Variants in RNLS observed in about 807,000 individuals in gnomAD.
RNLS encodes the protein renalase.
A neutral mutation model predicts 39.8 loss-of-function variants in RNLS; 39 were observed. That is an observed-to-expected ratio of 0.98 (90% CI 0.76 to 1.28). The LOEUF (loss-of-function observed/expected upper bound fraction) is 1.28. Among genes scored for constraint, RNLS ranks in the 50% most tolerant of loss-of-function variants. The probability of loss-of-function intolerance (pLI) is 0.00; values close to 1 mark genes in which losing one functional copy is unlikely to be tolerated. For missense variants in RNLS, 410 were observed against 413.3 expected, an observed-to-expected ratio of 0.99 and a Z score of 0.07; for synonymous variants, 147 against 150.7, an observed-to-expected ratio of 0.98 and a Z score of 0.18.
chr10:88,532,682 T>C (rs1589968155), intron 4 of RNLS, among the ~76,000 whole-genome samples: 1 of 152,022 alleles, frequency 6.6e-6, no homozygotes. Flanking sequence ...ATCCTAAGGA[T>C]AAAGTGTTAG....
intron 4 of RNLS, among the ~76,000 whole-genome samples, chr10:88,411,523 T>G (rs75886450): frequency 7.0e-6 from 1 of 143,290 alleles, no homozygotes; most frequent in African/African-American, 2.6e-5. Context: ...CCATCTTCTG[T>G]TTTTTTTTTT....
At chr10:88,467,598 T>A (rs186858017) in intron 4 of RNLS, among the ~76,000 whole-genome samples, 52 of 152,140 alleles carry the variant, frequency 3.4e-4, no homozygotes, top group African/African-American at 1.1e-3. Flanking sequence ...ACTGAGACAA[T>A]TTACCAACCT....
Position 88,323,332 on chromosome 10 carries a change from A to T in RNLS, c.701-8691T>A, listed in dbSNP as rs539253786. Reference sequence around the variant, plus strand: ...AAGCAAAGAGAACAAGGCTGGAGGCATCACATTACCCAAACTCAAAGTATA... The same window carrying T: ...AAGCAAAGAGAACAAGGCTGGAGGCTTCACATTACCCAAACTCAAAGTATA... On this transcript the variant is annotated intron_variant, in intron 5 of 6. Coordinates refer to ENST00000331772, the MANE Select transcript of RNLS (RefSeq NM_001031709.3). 1.1e-4 allele frequency among the ~76,000 whole-genome samples: 17 copies of T among 152,342 alleles called. No individual in the cohort carries two copies. The South Asian group carries it at 3.3e-3, about 30-fold the overall frequency.
At chr10:88,454,139 A>C (rs1842494927) in intron 4 of RNLS, among the ~76,000 whole-genome samples, 1 of 152,234 alleles carries the variant, frequency 6.6e-6, no homozygotes, top group African/African-American at 2.4e-5. Context: ...GAGAAGAAAG[A>C]GTCCATGAAA....
At chr10:88,178,783 G>A in the RNLS span, among the ~76,000 whole-genome samples, 1 of 152,170 alleles carries the variant, frequency 6.6e-6, no homozygotes, top group African/African-American at 2.4e-5. Context: ...GCCTCACTTT[G>A]TCAATTTAGA....
the RNLS span, among the ~76,000 whole-genome samples, chr10:88,192,052 C>T: frequency 9.2e-5 from 14 of 151,816 alleles, no homozygotes; most frequent in Non-Finnish European, 1.8e-4. Context: ...CATGGGGTAC[C>T]TAGGAGTAGC....
Position 88,445,411 on chromosome 10 carries a change from C to T in RNLS, c.527-82686G>A, listed in dbSNP as rs569954636. 9.5e-4 allele frequency among the ~76,000 whole-genome samples: 145 copies of T among 152,032 alleles called. 1 individual carries two copies. Among genetic ancestry groups the T allele is most frequent in the South Asian group, 7.1e-3 (34 of 4,810 alleles). On this transcript the variant is annotated intron_variant, in intron 4 of 6. Coordinates refer to ENST00000331772, the MANE Select transcript of RNLS (RefSeq NM_001031709.3). ...AATGCTAGGAAGAAACTGCAAGTAACGAGCAAAATAACCAGCTCACATCAT... is the reference window on the plus strand; with the variant it reads ...AATGCTAGGAAGAAACTGCAAGTAATGAGCAAAATAACCAGCTCACATCAT...
intron 4 of RNLS, among the ~76,000 whole-genome samples, chr10:88,494,607 A>G (rs575108817): frequency 1.3e-5 from 2 of 152,262 alleles, no homozygotes; most frequent in African/African-American, 2.4e-5. Context: ...TGAATGGTAC[A>G]TATTCAAAAA....
intron 3 of RNLS, 137 bp from the exon 4 acceptor site, chr10:88,573,198 C>G (rs1478507507): frequency 2.1e-5 from 15 of 721,062 alleles, no homozygotes; most frequent in Non-Finnish European, 3.2e-5. Context: ...CAGCTCTCTT[C>G]CTTTACTTTC....
chr10:88,382,033 G>A (rs1448329480), intron 4 of RNLS, among the ~76,000 whole-genome samples: 2 of 152,028 alleles, frequency 1.3e-5, no homozygotes, highest in South Asian at 2.1e-4. Flanking sequence ...CCACTACGAT[G>A]GCAGAGTAGA....
At chr10:88,572,059 C>G (rs11202776) in intron 4 of RNLS, among the ~76,000 whole-genome samples, 236 of 152,124 alleles carry the variant, frequency 1.6e-3, no homozygotes, top group Non-Finnish European at 2.6e-3. Flanking sequence ...TCAGGAATCA[C>G]GAAGAAAATC....
chr10:88,497,268 G>T (rs1339967315), intron 4 of RNLS, among the ~76,000 whole-genome samples: 1 of 152,038 alleles, frequency 6.6e-6, no homozygotes, highest in African/African-American at 2.4e-5. Context: ...GACAGAAACA[G>T]TGCAGAATTT....
intron 4 of RNLS, among the ~76,000 whole-genome samples, chr10:88,487,143 G>C (rs1428324675): frequency 1.3e-5 from 2 of 152,160 alleles, no homozygotes; most frequent in African/African-American, 4.8e-5. Flanking sequence ...ATAAGTGGGA[G>C]CTAAATGACG....
At chr10:88,355,300 G>A (rs1282666359) in intron 5 of RNLS, among the ~76,000 whole-genome samples, 4 of 152,186 alleles carry the variant, frequency 2.6e-5, no homozygotes, top group Non-Finnish European at 5.9e-5. Context: ...CTGATTTTTA[G>A]AATTTTCAGT....
intron 4 of RNLS, among the ~76,000 whole-genome samples, chr10:88,534,218 T>C (rs1206988701): frequency 6.6e-6 from 1 of 152,116 alleles, no homozygotes; most frequent in Non-Finnish European, 1.5e-5. Context: ...TTTAAATTTG[T>C]TTTATGGACT....
chr10:88,515,431 C>T (rs1210696004), intron 4 of RNLS, among the ~76,000 whole-genome samples: 1 of 151,942 alleles, frequency 6.6e-6, no homozygotes, highest in East Asian at 1.9e-4. Flanking sequence ...CTTCTTTGTG[C>T]AACGTTCTCT....
At chr10:88,358,448 G>C (rs915825218) in intron 5 of RNLS, among the ~76,000 whole-genome samples, 3 of 152,102 alleles carry the variant, frequency 2.0e-5, no homozygotes, top group African/African-American at 7.2e-5. Flanking sequence ...AGTACATTTA[G>C]GAAATTCTAG....
chr10:88,522,105 T>C (rs925246436), intron 4 of RNLS, among the ~76,000 whole-genome samples: 17 of 152,212 alleles, frequency 1.1e-4, no homozygotes, highest in African/African-American at 3.6e-4. Context: ...GGTTCATTAC[T>C]ACAGTTCCCT....
intron 4 of RNLS, among the ~76,000 whole-genome samples, chr10:88,473,447 A>C (rs899616476): frequency 2.6e-5 from 4 of 151,640 alleles, no homozygotes; most frequent in African/African-American, 9.7e-5. Context: ...CACACACACA[A>C]ATATGGCACA....
Sources: gnomAD v4.1 joint callset for allele counts (sites outside exome capture counted in the v4.1 genomes callset) on GRCh38, gnomAD v4.1.1 for gene constraint, MANE v1.5 for transcripts, NCBI Gene and HGNC (gene_info 2026-07-23, HGNC 2026-07-21) for gene names.